LOC128462377: variants seen among roughly 807,000 people sequenced by gnomAD.
the LOC128462377 span, among the ~76,000 whole-genome samples, chr16:89,399,307 T>C: frequency 6.6e-6 from 1 of 152,074 alleles, no homozygotes; most frequent in East Asian, 1.9e-4. Context: ...GGTGAGTGGA[T>C]TAAACACCCG....
the LOC128462377 span, among the ~76,000 whole-genome samples, chr16:89,357,595 G>A: frequency 6.6e-6 from 1 of 152,210 alleles, no homozygotes; most frequent in Non-Finnish European, 1.5e-5. Context: ...ACACAGCATG[G>A]TTCCCAACAG....
At chr16:89,395,252 C>T in the LOC128462377 span, among the ~76,000 whole-genome samples, 1 of 152,204 alleles carries the variant, frequency 6.6e-6, no homozygotes, top group South Asian at 2.1e-4. Context: ...ACTGGCTGAG[C>T]CCCAGGGAAG....
At chr16:89,378,990 G>A in the LOC128462377 span, among the ~76,000 whole-genome samples, 5 of 152,348 alleles carry the variant, frequency 3.3e-5, no homozygotes, top group African/African-American at 1.2e-4. Flanking sequence ...GCACACTGGG[G>A]AGCGTCAAGA....
chr16:89,418,168 CA>C, the LOC128462377 span: 1 of 415,744 alleles, frequency 2.4e-6, no homozygotes, highest in Non-Finnish European at 5.0e-6. Flanking sequence ...AACATTTCGA[CA>C]AAACTCTATC....
the LOC128462377 span, among the ~76,000 whole-genome samples, chr16:89,326,521 G>A: frequency 1.4e-4 from 22 of 152,096 alleles, no homozygotes; most frequent in African/African-American, 5.3e-4. Flanking sequence ...AAGGCAGGGG[G>A]GTCATTTGGG....
At chr16:89,356,238 CTG>C in the LOC128462377 span, among the ~76,000 whole-genome samples, 2 of 151,876 alleles carry the variant, frequency 1.3e-5, no homozygotes, top group South Asian at 4.1e-4. Context: ...TTTTTAAAAA[CTG>C]ATTACAGACT....
the LOC128462377 span, among the ~76,000 whole-genome samples, chr16:89,367,920 C>T: frequency 1.3e-5 from 2 of 152,134 alleles, no homozygotes; most frequent in Admixed American, 6.5e-5. Context: ...GGGAGGATCA[C>T]TTGAGCCCAG....
the LOC128462377 span, among the ~76,000 whole-genome samples, chr16:89,351,227 G>A: frequency 2.0e-3 from 310 of 152,340 alleles, 1 homozygote; most frequent in Admixed American, 9.3e-3. Flanking sequence ...TGGGCGAGGG[G>A]TTCCACGGCA....
the LOC128462377 span, among the ~76,000 whole-genome samples, chr16:89,375,345 T>G: frequency 6.6e-6 from 1 of 152,202 alleles, no homozygotes; most frequent in Non-Finnish European, 1.5e-5. Flanking sequence ...TCCCAGCTAC[T>G]CAGAAGGCTG....
the LOC128462377 span, among the ~76,000 whole-genome samples, chr16:89,353,002 C>A: frequency 3.2e-4 from 48 of 152,306 alleles, no homozygotes; most frequent in African/African-American, 1.0e-3. Flanking sequence ...ATTAACTTTA[C>A]AGGATCCATT....
chr16:89,412,863 C>G, the LOC128462377 span, among the ~76,000 whole-genome samples: 1 of 152,178 alleles, frequency 6.6e-6, no homozygotes, highest in Non-Finnish European at 1.5e-5. Context: ...CCAGCAGGAC[C>G]TCTCCATGCC....
At chr16:89,380,116 TG>T in the LOC128462377 span, among the ~76,000 whole-genome samples, 3 of 151,798 alleles carry the variant, frequency 2.0e-5, no homozygotes, top group African/African-American at 7.3e-5. Flanking sequence ...CAATGATGCC[TG>T]TTTTTTTCTT....
the LOC128462377 span, among the ~76,000 whole-genome samples, chr16:89,383,215 G>T: frequency 6.6e-6 from 1 of 152,170 alleles, no homozygotes; most frequent in East Asian, 1.9e-4. Context: ...GAAGAGGGAG[G>T]AGCCACAAGA....
At chr16:89,346,112 G>A in the LOC128462377 span, among the ~76,000 whole-genome samples, 1 of 151,864 alleles carries the variant, frequency 6.6e-6, no homozygotes, top group Non-Finnish European at 1.5e-5. Flanking sequence ...AGCCGGGCGT[G>A]GTGCCGGGCG....
chr16:89,372,108 G>A, the LOC128462377 span, among the ~76,000 whole-genome samples: 3 of 152,188 alleles, frequency 2.0e-5, no homozygotes, highest in Admixed American at 1.3e-4. Context: ...GCGGGCACCC[G>A]GCCCTCGCAT....
chr16:89,410,119 G>A, the LOC128462377 span, among the ~76,000 whole-genome samples: 15 of 152,288 alleles, frequency 9.8e-5, no homozygotes, highest in Non-Finnish European at 1.6e-4. Flanking sequence ...GATTACAGGC[G>A]TGAGCCACCG....
At chr16:89,350,253 C>T in the LOC128462377 span, among the ~76,000 whole-genome samples, 2 of 152,182 alleles carry the variant, frequency 1.3e-5, no homozygotes, top group African/African-American at 4.8e-5. Context: ...TGAGTGGTCA[C>T]TTTGGAAAAG....
chr16:89,324,983 G>A, the LOC128462377 span: 1 of 163,158 alleles, frequency 6.1e-6, no homozygotes, highest in South Asian at 1.6e-4. Flanking sequence ...CTGGTGAAGG[G>A]GTGGAGCAAA....
chr16:89,327,762 G>T, the LOC128462377 span, among the ~76,000 whole-genome samples: 2 of 152,012 alleles, frequency 1.3e-5, no homozygotes, highest in Non-Finnish European at 2.9e-5. Flanking sequence ...GGTTCATATG[G>T]AACAAAACTA....
Sources: gnomAD v4.1 joint callset for allele counts (sites outside exome capture counted in the v4.1 genomes callset) on GRCh38, gnomAD v4.1.1 for gene constraint, MANE v1.5 for transcripts.